Variants in KALRN observed in about 807,000 individuals in gnomAD.
KALRN encodes the protein kalirin.
Under a neutral mutation model 353.7 loss-of-function variants are expected in KALRN, and 70 were observed. The observed-to-expected ratio is 0.20, with a 90% CI of 0.16 to 0.24. KALRN has a LOEUF of 0.24. KALRN is among the 10% of genes least tolerant of loss of function. The pLI is 1.00. For synonymous variants in KALRN, 1,391 were observed against 1,434.8 expected, an observed-to-expected ratio of 0.97 and a Z score of 0.69; for missense variants, 2,791 against 3,756.7, an observed-to-expected ratio of 0.74 and a Z score of 6.72.
chr3:124,515,061 T>C (rs1367496917), intron 33 of KALRN, among the ~76,000 whole-genome samples: 1 of 152,244 alleles, frequency 6.6e-6, no homozygotes, highest in Non-Finnish European at 1.5e-5. Context: ...TGAAGATGCA[T>C]TTGAAAATCT....
Position 124,702,128 on chromosome 3 carries a change from GT to G in KALRN, c.8075+16del. On this transcript the variant is annotated intron_variant, in intron 57 of 59. Transcript: ENST00000682506. Reference sequence around the variant, plus strand: ...AATGAAATTGGAAGGTAATGACACAGTTTTATATTCCTTCATTCATGAACAC... The same window carrying G: ...AATGAAATTGGAAGGTAATGACACAGTTTATATTCCTTCATTCATGAACAC... 1.3e-6 allele frequency: 2 copies of G among 1,574,670 alleles called. No individual in the cohort carries two copies.
intron 47 of KALRN, among the ~76,000 whole-genome samples, chr3:124,671,413 C>T (rs1485326307): frequency 6.6e-6 from 1 of 152,180 alleles, no homozygotes; most frequent in Non-Finnish European, 1.5e-5. Flanking sequence ...TTATTACCAC[C>T]ACACACATAT....
At chr3:124,220,830 C>A (rs376958186) in intron 1 of KALRN, among the ~76,000 whole-genome samples, 53 of 152,350 alleles carry the variant, frequency 3.5e-4, no homozygotes, top group African/African-American at 1.3e-3. Context: ...GCCCCTACCC[C>A]CTATTCTACC....
intron 1 of KALRN, among the ~76,000 whole-genome samples, chr3:124,060,657 G>A (rs183865412): frequency 5.6e-4 from 86 of 152,346 alleles, no homozygotes; most frequent in African/African-American, 1.9e-3. Flanking sequence ...CAACTTAGAG[G>A]AGGCAACCTC....
intron 34 of KALRN, among the ~76,000 whole-genome samples, chr3:124,572,055 G>C (rs2073571809): frequency 6.6e-6 from 1 of 151,624 alleles, no homozygotes; most frequent in Non-Finnish European, 1.5e-5. Context: ...GGGTGCAGTG[G>C]CTCACATCTT....
At chr3:124,361,743 G>A (rs1282647589) in intron 10 of KALRN, among the ~76,000 whole-genome samples, 1 of 151,436 alleles carries the variant, frequency 6.6e-6, no homozygotes. Flanking sequence ...ATATATTACA[G>A]GGCTATGAGG....
chr3:124,440,098 C>T (rs1027042122), intron 18 of KALRN, among the ~76,000 whole-genome samples: 27 of 151,744 alleles, frequency 1.8e-4, no homozygotes, highest in African/African-American at 6.5e-4. Flanking sequence ...ATCTGGTATC[C>T]GCACCTATAT....
At chr3:124,166,333 A>G (rs866131995) in intron 1 of KALRN, among the ~76,000 whole-genome samples, 2 of 152,114 alleles carry the variant, frequency 1.3e-5, no homozygotes, top group East Asian at 1.9e-4. Context: ...TGTCTCCCCT[A>G]TGAGATAGTG....
chr3:124,160,608 A>G (rs2069775825), intron 1 of KALRN, among the ~76,000 whole-genome samples: 1 of 151,986 alleles, frequency 6.6e-6, no homozygotes, highest in African/African-American at 2.4e-5. Flanking sequence ...AGCTCTGACT[A>G]TCTGTCAGAT....
intron 16 of KALRN, among the ~76,000 whole-genome samples, chr3:124,433,614 A>AG (rs1344685316): frequency 9.1e-5 from 13 of 143,482 alleles, no homozygotes; most frequent in South Asian, 2.1e-4. Context: ...AAAAAAAAAA[A>AG]AAGGAAAGAA....
intron 5 of KALRN, among the ~76,000 whole-genome samples, chr3:124,293,307 G>A (rs1356942822): frequency 6.6e-6 from 1 of 152,136 alleles, no homozygotes; most frequent in African/African-American, 2.4e-5. Context: ...ACTAACAATA[G>A]ATAATAAGGT....
chr3:124,421,913 A>C (rs2289845), intron 14 of KALRN, among the ~76,000 whole-genome samples: 10,104 of 152,268 alleles, frequency 0.066, 794 homozygotes, highest in African/African-American at 0.18. Flanking sequence ...GGAATGGGGC[A>C]ACAGCTTCTG....
chr3:124,427,252 A>G (rs745815282), intron 15 of KALRN, among the ~76,000 whole-genome samples: 6 of 152,206 alleles, frequency 3.9e-5, no homozygotes, highest in Non-Finnish European at 8.8e-5. Flanking sequence ...GGTCTATAAA[A>G]CCATGAAGGA....
intron 11 of KALRN, among the ~76,000 whole-genome samples, chr3:124,388,516 A>G (rs749612906): frequency 1.3e-5 from 2 of 152,228 alleles, no homozygotes; most frequent in Non-Finnish European, 2.9e-5. Context: ...TCTGATACAC[A>G]GAGGTGCTCA....
At chr3:124,457,156 G>A (rs973739220) in intron 23 of KALRN, among the ~76,000 whole-genome samples, 1 of 151,878 alleles carries the variant, frequency 6.6e-6, no homozygotes, top group Non-Finnish European at 1.5e-5. Context: ...TGCAACCTCC[G>A]CCTCCTGGAT....
At chr3:124,399,598 A>G (rs2090602511) in intron 13 of KALRN, among the ~76,000 whole-genome samples, 1 of 152,248 alleles carries the variant, frequency 6.6e-6, no homozygotes, top group South Asian at 2.1e-4. Context: ...AGCTGATAAT[A>G]TAAATCATGC....
chr3:124,527,814 G>A (rs568317955), intron 33 of KALRN, among the ~76,000 whole-genome samples: 1 of 152,204 alleles, frequency 6.6e-6, no homozygotes, highest in Non-Finnish European at 1.5e-5. Flanking sequence ...TTTCTGATAT[G>A]ACATCAGCCT....
intron 1 of KALRN, among the ~76,000 whole-genome samples, chr3:124,182,215 G>C (rs571458312): frequency 1.3e-5 from 2 of 152,146 alleles, no homozygotes; most frequent in African/African-American, 4.8e-5. Flanking sequence ...AAAACTTAAC[G>C]GCTTGAAATA....
intron 34 of KALRN, among the ~76,000 whole-genome samples, chr3:124,620,861 A>T (rs1294875438): frequency 6.6e-6 from 1 of 152,240 alleles, no homozygotes; most frequent in African/African-American, 2.4e-5. Flanking sequence ...GGAGACCTTG[A>T]GGACAGTCAA....
Sources: allele counts gnomAD v4.1 joint callset (sites outside exome capture counted in the v4.1 genomes callset), GRCh38; gene constraint gnomAD v4.1.1; transcripts MANE v1.5; gene names NCBI Gene and HGNC (gene_info 2026-07-23, HGNC 2026-07-21).